The following GRM7 variants were observed in gnomAD, a reference collection of about 807,000 sequenced individuals.
The protein encoded by GRM7 is glutamate metabotropic receptor 7, also known as metabotropic glutamate receptor 7.
GRM7 carries 35 observed loss-of-function variants against 84.5 expected under a neutral mutation model. That is an observed-to-expected ratio of 0.41 (90% CI 0.32 to 0.55). The LOEUF (loss-of-function observed/expected upper bound fraction) is 0.55. Among genes scored for constraint, GRM7 ranks in the 20% least tolerant of loss-of-function variants. GRM7 has a pLI of 0.19. For synonymous variants in GRM7, 487 were observed against 455.1 expected (o/e 1.07, Z -0.89); for missense variants, 1,003 against 1,194.6 (o/e 0.84, Z 2.36).
chr3:7,063,255 G>T (rs760011012), intron 1 of GRM7, among the ~76,000 whole-genome samples: 1 of 151,668 alleles, frequency 6.6e-6, no homozygotes, highest in South Asian at 2.1e-4. Context: ...CACAAGTAAG[G>T]CTTGGTATAC....
At chr3:7,128,409 A>G (rs1364977771) in intron 1 of GRM7, among the ~76,000 whole-genome samples, 1 of 151,756 alleles carries the variant, frequency 6.6e-6, no homozygotes, top group African/African-American at 2.4e-5. Flanking sequence ...TCATGATGAC[A>G]TCTAGAATCT....
chr3:7,249,771 T>C (rs1697910282), intron 2 of GRM7, among the ~76,000 whole-genome samples: 1 of 152,158 alleles, frequency 6.6e-6, no homozygotes, highest in African/African-American at 2.4e-5. Flanking sequence ...TATAGCTGCA[T>C]GTGAGAGAGA....
chr3:7,480,685 A>G (rs1699093660), intron 7 of GRM7, among the ~76,000 whole-genome samples: 1 of 152,154 alleles, frequency 6.6e-6, no homozygotes, highest in South Asian at 2.1e-4. Flanking sequence ...TGCAGATTTG[A>G]ATTGTGGGTA....
At chr3:7,182,895 T>C (rs1433844505) in intron 2 of GRM7, among the ~76,000 whole-genome samples, 1 of 127,212 alleles carries the variant, frequency 7.9e-6, no homozygotes, top group Non-Finnish European at 1.6e-5. Context: ...AACGTGAAAG[T>C]GTTTTTTTTT....
At chr3:7,000,181 T>C in intron 1 of GRM7, among the ~76,000 whole-genome samples, 1 of 148,970 alleles carries the variant, frequency 6.7e-6, no homozygotes, top group South Asian at 2.1e-4. Context: ...TTTTTTTTTT[T>C]TTTTTTTTTA....
chr3:7,641,708 A>G (rs1698371044), intron 8 of GRM7, among the ~76,000 whole-genome samples: 1 of 152,192 alleles, frequency 6.6e-6, no homozygotes. Context: ...AAGGAAAATA[A>G]TACGCAATGA....
chr3:6,864,886 G>A (rs1407044042), intron 1 of GRM7, among the ~76,000 whole-genome samples: 1 of 152,178 alleles, frequency 6.6e-6, no homozygotes, highest in African/African-American at 2.4e-5. Context: ...TGTAAATAGT[G>A]TCTATGACTT....
intron 1 of GRM7, among the ~76,000 whole-genome samples, chr3:7,110,586 C>T (rs370793167): frequency 7.8e-6 from 1 of 128,682 alleles, no homozygotes; most frequent in Non-Finnish European, 1.6e-5. Flanking sequence ...GAGAGCGATA[C>T]TCTGTCACAC....
At chr3:7,359,161 C>T (rs1266509063) in intron 4 of GRM7, among the ~76,000 whole-genome samples, 3 of 135,270 alleles carry the variant, frequency 2.2e-5, no homozygotes, top group African/African-American at 5.8e-5. Context: ...AGGTCTAGGT[C>T]TATGTATTTT....
chr3:7,216,062 C>T (rs911153274), intron 2 of GRM7, among the ~76,000 whole-genome samples: 1 of 152,148 alleles, frequency 6.6e-6, no homozygotes, highest in Non-Finnish European at 1.5e-5. Flanking sequence ...TTTTTCTAAT[C>T]TTTTAAAAAT....
chr3:7,200,970 T>TTG (rs569757163), intron 2 of GRM7, among the ~76,000 whole-genome samples: 1,781 of 139,024 alleles, frequency 0.013, 14 homozygotes, highest in South Asian at 0.033. Context: ...CAGAATTTTT[T>TTG]TTTTTTTTTT....
intron 4 of GRM7, among the ~76,000 whole-genome samples, chr3:7,338,538 GACATGTTCCTCTT>G (rs1250880674): frequency 3.9e-5 from 6 of 151,934 alleles, no homozygotes; most frequent in African/African-American, 1.4e-4. Flanking sequence ...CTTAAAAAAA[GACATGTTCCTCTT>G]ACATGAATCG....
intron 2 of GRM7, among the ~76,000 whole-genome samples, chr3:7,243,842 T>A (rs1242926060): frequency 2.0e-5 from 3 of 152,170 alleles, no homozygotes; most frequent in Admixed American, 6.5e-5. Flanking sequence ...TACAAACCTG[T>A]ATTGCATGTT....
At chr3:6,898,319 T>G (rs1056752963) in intron 1 of GRM7, among the ~76,000 whole-genome samples, 2 of 149,858 alleles carry the variant, frequency 1.3e-5, no homozygotes, top group Admixed American at 6.7e-5. Context: ...TGGGTTTTAA[T>G]GATGACTATG....
At chr3:7,350,087 A>G (rs1336402112) in intron 4 of GRM7, among the ~76,000 whole-genome samples, 1 of 152,122 alleles carries the variant, frequency 6.6e-6, no homozygotes, top group Non-Finnish European at 1.5e-5. Context: ...TTGCGTAAGT[A>G]CCTAATCACA....
At chr3:7,204,733 T>G (rs1696179566) in intron 2 of GRM7, among the ~76,000 whole-genome samples, 1 of 152,234 alleles carries the variant, frequency 6.6e-6, no homozygotes, top group Non-Finnish European at 1.5e-5. Flanking sequence ...AGACAGACCA[T>G]TGCTTTTTAA....
At chr3:7,112,581 T>C (rs181802303) in intron 1 of GRM7, among the ~76,000 whole-genome samples, 3 of 152,230 alleles carry the variant, frequency 2.0e-5, no homozygotes, top group Admixed American at 6.5e-5. Flanking sequence ...TTGAGAATTA[T>C]CTTGCAATGG....
intron 1 of GRM7, among the ~76,000 whole-genome samples, chr3:6,976,056 G>T (rs990494140): frequency 8.5e-5 from 13 of 152,078 alleles, no homozygotes; most frequent in African/African-American, 3.1e-4. Flanking sequence ...GTCAGAACTG[G>T]CACGGTTGGC....
At chr3:7,246,555 A>G (rs1156475165) in intron 2 of GRM7, among the ~76,000 whole-genome samples, 1 of 152,142 alleles carries the variant, frequency 6.6e-6, no homozygotes, top group Non-Finnish European at 1.5e-5. Context: ...GATGGATATA[A>G]GTACTACTTT....
Sources: gnomAD v4.1 joint callset for allele counts (sites outside exome capture counted in the v4.1 genomes callset) on GRCh38, gnomAD v4.1.1 for gene constraint, MANE v1.5 for transcripts, NCBI Gene and HGNC (gene_info 2026-07-23, HGNC 2026-07-21) for gene names.